Variants in DNM3 observed in about 807,000 individuals in gnomAD.
DNM3 encodes the protein dynamin 3.
DNM3 carries 47 observed loss-of-function variants against 101.6 expected under a neutral mutation model. The observed-to-expected ratio is 0.46, with a 90% CI of 0.37 to 0.59. The LOEUF is 0.59. DNM3 is among the 20% of genes least tolerant of loss of function. The probability of loss-of-function intolerance (pLI) is 0.00; values close to 1 mark genes in which losing one functional copy is unlikely to be tolerated. For synonymous variants in DNM3, 385 were observed against 387.9 expected, an observed-to-expected ratio of 0.99 and a Z score of 0.09; for missense variants, 849 against 1,085.7, an observed-to-expected ratio of 0.78 and a Z score of 3.06.
At chr1:172,289,979 A>G (rs2063839830) in intron 15 of DNM3, 4 of 917,632 alleles carry the variant, frequency 4.4e-6, no homozygotes, top group South Asian at 1.0e-4. Flanking sequence ...TATTAAATTT[A>G]TATTATTGAC....
chr1:172,185,702 A>C (rs187154342), intron 14 of DNM3, among the ~76,000 whole-genome samples: 1 of 152,132 alleles, frequency 6.6e-6, no homozygotes, highest in African/African-American at 2.4e-5. Context: ...TCTATTGTAA[A>C]TGTATTGCAA....
intron 20 of DNM3, among the ~76,000 whole-genome samples, chr1:172,405,120 T>G (rs1275462818): frequency 6.6e-6 from 1 of 152,058 alleles, no homozygotes; most frequent in Non-Finnish European, 1.5e-5. Flanking sequence ...CTAGACCTAC[T>G]CACCTTGATC....
intron 1 of DNM3, among the ~76,000 whole-genome samples, chr1:171,878,747 C>T (rs1214042751): frequency 6.6e-6 from 1 of 152,112 alleles, no homozygotes; most frequent in Non-Finnish European, 1.5e-5. Flanking sequence ...GTTTTAATCC[C>T]TAGTGGTACT....
chr1:172,323,548 T>G (rs2065819264), intron 17 of DNM3, among the ~76,000 whole-genome samples: 1 of 152,188 alleles, frequency 6.6e-6, no homozygotes, highest in Non-Finnish European at 1.5e-5. Context: ...AGGGAAACAT[T>G]CTATCCTTCA....
In DNM3 at chr1:172,388,769, G is replaced by A. The variant is rs1306496498; in HGVS notation, c.2482G>A (p.Val828Ile). Reference sequence around the variant, plus strand: ...TGACTCCTTCGGAGCCCCTCCACAAGTTCCATCTAGGCCTACGAGGGCCCC... The same window carrying A: ...TGACTCCTTCGGAGCCCCTCCACAAATTCCATCTAGGCCTACGAGGGCCCC... ...SSDSFGAPPQ[V>I]PSRPTRAPPS... The change falls in exon 20 of 21, where the codon GTT becomes ATT. Residue 828 changes from valine to isoleucine, a missense_variant. By Grantham distance (29) the Val-to-Ile change is conservative. Coordinates refer to ENST00000627582, the MANE Select transcript of DNM3 (RefSeq NM_015569.5). 1 of 1,606,840 alleles carries A rather than the reference G, an allele frequency of 6.2e-7. No individual in the cohort carries two copies. Among genetic ancestry groups the A allele is most frequent in the Non-Finnish European group, 8.5e-7 (1 of 1,176,678 alleles).
chr1:171,895,861 A>G (rs1484902916), intron 1 of DNM3, among the ~76,000 whole-genome samples: 3 of 150,868 alleles, frequency 2.0e-5, no homozygotes, highest in Admixed American at 6.6e-5. Context: ...ACATATGGCT[A>G]GCCAGTTTTC....
intron 1 of DNM3, among the ~76,000 whole-genome samples, chr1:171,893,279 T>G (rs2037459404): frequency 1.3e-5 from 2 of 152,192 alleles, no homozygotes; most frequent in Non-Finnish European, 2.9e-5. Flanking sequence ...TCATAGGTTT[T>G]GACAATGCCT....
At chr1:172,280,299 A>C (rs911537937) in intron 15 of DNM3, among the ~76,000 whole-genome samples, 4 of 151,902 alleles carry the variant, frequency 2.6e-5, no homozygotes, top group African/African-American at 9.7e-5. Context: ...GACACTTATT[A>C]CTTTTTGATA....
At chr1:172,182,083 T>A (rs1411330018) in intron 14 of DNM3, among the ~76,000 whole-genome samples, 2 of 152,036 alleles carry the variant, frequency 1.3e-5, no homozygotes, top group Non-Finnish European at 2.9e-5. Flanking sequence ...AACTGGAACT[T>A]TTTACTATTA....
rs571403953 is a variant in DNM3 at position 172,056,291 on chromosome 1, T to G, written c.1335+7541T>G. On this transcript the variant is annotated intron_variant, in intron 10 of 20. Transcript: ENST00000627582. ...AGGGGCACCCGACATTGCCCAGGCT[T>G]GCTTAGGTAAACAAAGCAGCAGGGA... 2.7e-3 allele frequency among the ~76,000 whole-genome samples: 406 copies of G among 152,302 alleles called. 3 individuals are homozygous for G. Among genetic ancestry groups the G allele is most frequent in the African/African-American group, 9.3e-3 (385 of 41,558 alleles).
downstream of DNM3, among the ~76,000 whole-genome samples, chr1:172,413,526 C>G (rs2071323319): frequency 6.6e-6 from 1 of 152,086 alleles, no homozygotes; most frequent in Non-Finnish European, 1.5e-5. Flanking sequence ...CGCACCCGGC[C>G]CAGTTTCCCC....
chr1:171,869,872 A>C (rs2035111514), intron 1 of DNM3, among the ~76,000 whole-genome samples: 1 of 152,172 alleles, frequency 6.6e-6, no homozygotes, highest in African/African-American at 2.4e-5. Flanking sequence ...TTTTACATGA[A>C]CTCAAGATAA....
chr1:172,331,122 A>G (rs939978709), intron 17 of DNM3, among the ~76,000 whole-genome samples: 1 of 152,164 alleles, frequency 6.6e-6, no homozygotes, highest in African/African-American at 2.4e-5. Context: ...CAAATGCTCA[A>G]ATTCCATGAG....
At chr1:172,252,814 T>G (rs1191088293) in intron 14 of DNM3, among the ~76,000 whole-genome samples, 1 of 152,140 alleles carries the variant, frequency 6.6e-6, no homozygotes, top group Non-Finnish European at 1.5e-5. Flanking sequence ...ACTAATTTGG[T>G]CGCATTTGCA....
intron 17 of DNM3, among the ~76,000 whole-genome samples, chr1:172,351,563 A>T (rs1254536474): frequency 6.6e-6 from 1 of 152,212 alleles, no homozygotes; most frequent in Non-Finnish European, 1.5e-5. Flanking sequence ...CTTCAGGCTG[A>T]AACTTGATAT....
In DNM3 at chr1:172,072,878, C is replaced by G. The variant is rs150390019; in HGVS notation, c.1422+3973C>G. Among the ~76,000 whole-genome samples, 218 of 152,220 alleles carry G rather than the reference C, an allele frequency of 1.4e-3. 2 individuals carry two copies. The highest frequency in any genetic ancestry group is 5.1e-3 in the African/African-American group (211 of 41,518). On this transcript the variant is annotated intron_variant, in intron 11 of 20. Coordinates refer to ENST00000627582, the MANE Select transcript of DNM3 (RefSeq NM_015569.5). ...CTCCAGCCTGGGCAATAGAGTGAGA[C>G]TTGTCTCAAAAAACAACAACAAAAA... is the stretch of plus-strand genomic sequence containing the variant.
intron 2 of DNM3, among the ~76,000 whole-genome samples, chr1:171,944,336 A>T (rs2042007248): frequency 6.8e-6 from 1 of 147,214 alleles, no homozygotes; most frequent in Non-Finnish European, 1.5e-5. Flanking sequence ...ACTTTTAAAC[A>T]ATGTATTTAT....
At chr1:172,207,232 A>G (rs2060355614) in intron 14 of DNM3, among the ~76,000 whole-genome samples, 1 of 152,086 alleles carries the variant, frequency 6.6e-6, no homozygotes, top group Non-Finnish European at 1.5e-5. Flanking sequence ...CGTGATGCCT[A>G]GGGTTCCAGT....
chr1:171,953,984 C>T (rs1027300593), intron 2 of DNM3, among the ~76,000 whole-genome samples: 7 of 152,152 alleles, frequency 4.6e-5, no homozygotes, highest in Admixed American at 3.9e-4. Context: ...GCTGTTAAAG[C>T]ATGACATCCA....
Sources: gnomAD v4.1 joint callset for allele counts (sites outside exome capture counted in the v4.1 genomes callset) on GRCh38, gnomAD v4.1.1 for gene constraint, MANE v1.5 for transcripts, NCBI Gene and HGNC (gene_info 2026-07-23, HGNC 2026-07-21) for gene names.